The following TJP1 variants were observed in gnomAD, a reference collection of about 807,000 sequenced individuals.
TJP1 encodes the protein tight junction protein 1.
TJP1 carries 43 observed loss-of-function variants against 194.2 expected under a neutral mutation model. The ratio of observed to expected loss-of-function variants is 0.22; its 90% CI spans 0.17 to 0.29. The LOEUF is 0.29. Ranked by LOEUF, TJP1 falls within the 10% of genes least tolerant of loss-of-function variation. The pLI is 1.00. For synonymous variants in TJP1, 801 were observed against 779.0 expected (o/e 1.03, Z -0.47); for missense variants, 1,971 against 2,185.7 (o/e 0.90, Z 1.96).
intron 2 of TJP1, among the ~76,000 whole-genome samples, chr15:29,785,876 C>T (rs2047668226): frequency 6.6e-6 from 1 of 152,164 alleles, no homozygotes; most frequent in African/African-American, 2.4e-5. Flanking sequence ...GTCAGCAGGC[C>T]TGGGTCCTGT....
intron 18 of TJP1, 97 bp downstream of exon 18, chr15:29,726,282 T>C: frequency 2.9e-6 from 3 of 1,032,880 alleles, no homozygotes; most frequent in South Asian, 2.8e-5. Flanking sequence ...TTCTCCAATA[T>C]GTTGATCTAA....
chr15:29,804,889 C>G (rs1030928184), intron 1 of TJP1, among the ~76,000 whole-genome samples: 1 of 152,138 alleles, frequency 6.6e-6, no homozygotes, highest in Non-Finnish European at 1.5e-5. Context: ...AGGAAATGAA[C>G]TAGACCAGGC....
At chr15:29,753,105 A>T (rs368430802) in intron 8 of TJP1, among the ~76,000 whole-genome samples, 158 of 152,236 alleles carry the variant, frequency 1.0e-3, no homozygotes, top group African/African-American at 3.6e-3. Flanking sequence ...ACTAACGAAA[A>T]TTTACTTTTT....
chr15:29,751,486 C>A (rs1489210028), intron 8 of TJP1, among the ~76,000 whole-genome samples: 1 of 152,192 alleles, frequency 6.6e-6, no homozygotes, highest in Non-Finnish European at 1.5e-5. Context: ...TCTAGTCCAT[C>A]CGCATTAGAA....
At chr15:29,857,402 G>C (rs991040405) in intron 2 of TJP1, among the ~76,000 whole-genome samples, 7 of 151,958 alleles carry the variant, frequency 4.6e-5, no homozygotes, top group African/African-American at 1.7e-4. Context: ...AACAGGAAAT[G>C]GGTTAAAAGG....
intron 1 of TJP1, among the ~76,000 whole-genome samples, chr15:29,820,898 C>A (rs558068132): frequency 2.0e-5 from 3 of 152,186 alleles, no homozygotes; most frequent in African/African-American, 7.2e-5. Context: ...TTCTCCCAGC[C>A]AGCAAACAAG....
intron 8 of TJP1, among the ~76,000 whole-genome samples, chr15:29,750,913 A>G (rs2045232850): frequency 6.6e-6 from 1 of 152,222 alleles, no homozygotes. Context: ...AACAATAAAA[A>G]TATGCTAAGA....
At chr15:29,717,930 C>T (rs2042666244) in intron 22 of TJP1, 91 bp downstream of exon 22, 1 of 1,071,030 alleles carries the variant, frequency 9.3e-7, no homozygotes, top group Admixed American at 2.3e-5. Context: ...CACACCTCTC[C>T]TCTACTAACA....
chr15:29,807,713 C>T (rs972097332), intron 1 of TJP1, among the ~76,000 whole-genome samples: 7 of 152,162 alleles, frequency 4.6e-5, no homozygotes, highest in Admixed American at 1.3e-4. Context: ...AACTATATTA[C>T]AGATGGAGAA....
Position 29,737,609 on chromosome 15 carries a change from A to C in TJP1, c.1257-195T>G, listed in dbSNP as rs1218523401. On this transcript the variant is annotated intron_variant, in intron 10 of 27. Transcript: ENST00000614355. ...TTAATAACACTATTTTCTGATTAAC[A>C]GTTTTGGAATATTCAAATTTAATAT... Among the ~76,000 whole-genome samples, 3 of 152,324 alleles carry C rather than the reference A, an allele frequency of 2.0e-5. No individual in the cohort carries two copies. In the East Asian group the frequency reaches 5.8e-4, roughly 29 times the overall value.
At chr15:29,854,973 A>C (rs577432496) in intron 2 of TJP1, among the ~76,000 whole-genome samples, 1 of 152,310 alleles carries the variant, frequency 6.6e-6, no homozygotes, top group Non-Finnish European at 1.5e-5. Flanking sequence ...ATATCAAATA[A>C]ATAATTCCTT....
chr15:29,880,637 C>T (rs558079357), intron 2 of TJP1, among the ~76,000 whole-genome samples: 3 of 152,160 alleles, frequency 2.0e-5, no homozygotes, highest in Non-Finnish European at 4.4e-5. Flanking sequence ...CTATTGTATT[C>T]TCTGTTCTAC....
At chr15:29,898,496 GCAA>G (rs1230354992) in intron 2 of TJP1, among the ~76,000 whole-genome samples, 1 of 152,016 alleles carries the variant, frequency 6.6e-6, no homozygotes, top group Non-Finnish European at 1.5e-5. Context: ...TTTTTTGAAA[GCAA>G]CAACTTATTT....
chr15:29,790,073 T>C (rs1406431161), intron 2 of TJP1, among the ~76,000 whole-genome samples: 1 of 152,188 alleles, frequency 6.6e-6, no homozygotes. Context: ...TGGCCCACAG[T>C]TGGAATACAG....
At chr15:29,816,942 A>T (rs1378563628) in intron 1 of TJP1, among the ~76,000 whole-genome samples, 1 of 152,188 alleles carries the variant, frequency 6.6e-6, no homozygotes, top group Non-Finnish European at 1.5e-5. Context: ...ATTGCAACAA[A>T]AGCTAAAATT....
chr15:29,741,064 G>T (rs76968677), intron 10 of TJP1: 4,322 of 237,458 alleles, frequency 0.018, 55 homozygotes, highest in Middle Eastern at 0.03. Context: ...TGTCTGAATA[G>T]AATTTTTTTT....
chr15:29,889,799 C>T (rs150480524), intron 2 of TJP1, among the ~76,000 whole-genome samples: 178 of 152,274 alleles, frequency 1.2e-3, no homozygotes, highest in African/African-American at 4.1e-3. Flanking sequence ...TGCTGTGAGA[C>T]ATTATTCAGT....
intron 2 of TJP1, among the ~76,000 whole-genome samples, chr15:29,844,463 A>G (rs1040351394): frequency 2.0e-5 from 3 of 152,148 alleles, no homozygotes; most frequent in African/African-American, 7.2e-5. Context: ...ACCAGCAGTG[A>G]CCCAGGGATG....
chr15:29,891,634 A>C (rs1020777808), intron 2 of TJP1, among the ~76,000 whole-genome samples: 2 of 152,140 alleles, frequency 1.3e-5, no homozygotes, highest in Non-Finnish European at 2.9e-5. Context: ...CAATATTTCA[A>C]ACTTTTTCAT....
Sources: allele counts gnomAD v4.1 joint callset (sites outside exome capture counted in the v4.1 genomes callset), GRCh38; gene constraint gnomAD v4.1.1; transcripts MANE v1.5; gene names NCBI Gene and HGNC (gene_info 2026-07-23, HGNC 2026-07-21).